TMEM108: variants seen among roughly 807,000 people sequenced by gnomAD.
The protein encoded by TMEM108 is cancer/testis antigen 124.
Under a neutral mutation model 35.1 loss-of-function variants are expected in TMEM108, and 12 were observed. The ratio of observed to expected loss-of-function variants is 0.34; its 90% confidence interval spans 0.22 to 0.55. The LOEUF (loss-of-function observed/expected upper bound fraction) is 0.55, where lower values mean the gene tolerates loss of function less well. Ranked by LOEUF, TMEM108 falls within the 20% of genes least tolerant of loss-of-function variation. The pLI is 0.89. For synonymous variants in TMEM108, 287 were observed against 308.6 expected (o/e 0.93, Z 0.73); for missense variants, 680 against 753.3 (o/e 0.90, Z 1.14).
intron 2 of TMEM108, among the ~76,000 whole-genome samples, chr3:133,180,469 T>C (rs954108840): frequency 2.0e-5 from 3 of 152,166 alleles, no homozygotes; most frequent in East Asian, 1.9e-4. Context: ...TTTTCCTTCA[T>C]ATTTTTGTTT....
intron 3 of TMEM108, among the ~76,000 whole-genome samples, chr3:133,278,829 G>A (rs1171103120): frequency 6.6e-6 from 1 of 152,092 alleles, no homozygotes; most frequent in African/African-American, 2.4e-5. Flanking sequence ...GTTCAGCATT[G>A]ACATCACCAG....
intron 3 of TMEM108, among the ~76,000 whole-genome samples, chr3:133,298,285 A>G (rs904272895): frequency 1.3e-5 from 2 of 152,172 alleles, no homozygotes; most frequent in Admixed American, 6.5e-5. Context: ...ATTTGTTTCA[A>G]TCAGAGGCCC....
chr3:133,310,182 A>G (rs904000837), intron 3 of TMEM108, among the ~76,000 whole-genome samples: 4 of 152,148 alleles, frequency 2.6e-5, no homozygotes, highest in Non-Finnish European at 5.9e-5. Context: ...TATTCTGTTG[A>G]TATGGGGTGG....
intron 3 of TMEM108, among the ~76,000 whole-genome samples, chr3:133,377,913 A>G (rs1309223204): frequency 6.6e-6 from 1 of 152,212 alleles, no homozygotes; most frequent in Non-Finnish European, 1.5e-5. Flanking sequence ...TGCACATGCA[A>G]GGGATGGATC....
At chr3:133,167,861 C>A (rs1945067894) in intron 2 of TMEM108, among the ~76,000 whole-genome samples, 1 of 152,174 alleles carries the variant, frequency 6.6e-6, no homozygotes, top group African/African-American at 2.4e-5. Flanking sequence ...GCGGGCTGGG[C>A]TCCTCAAGTG....
intron 2 of TMEM108, among the ~76,000 whole-genome samples, chr3:133,176,154 G>A (rs1295300240): frequency 6.6e-6 from 1 of 152,196 alleles, no homozygotes; most frequent in Non-Finnish European, 1.5e-5. Context: ...CAATACAGGA[G>A]CACCCAGATT....
intron 3 of TMEM108, among the ~76,000 whole-genome samples, chr3:133,323,915 TAA>T (rs1223751401): frequency 6.6e-6 from 1 of 151,870 alleles, no homozygotes; most frequent in Non-Finnish European, 1.5e-5. Context: ...AACAAAAACA[TAA>T]AGTCAGGAAG....
chr3:133,250,764 A>G (rs924939888), intron 3 of TMEM108, among the ~76,000 whole-genome samples: 3 of 152,204 alleles, frequency 2.0e-5, no homozygotes, highest in Non-Finnish European at 4.4e-5. Flanking sequence ...CTGATATGGA[A>G]ATAATACTGA....
intron 4 of TMEM108, among the ~76,000 whole-genome samples, chr3:133,381,758 T>G (rs1277653061): frequency 6.6e-6 from 1 of 152,210 alleles, no homozygotes; most frequent in Non-Finnish European, 1.5e-5. Context: ...GAAAAAGAGA[T>G]AAAGCTTTCA....
At chr3:133,300,290 G>T (rs1947202281) in intron 3 of TMEM108, among the ~76,000 whole-genome samples, 1 of 152,130 alleles carries the variant, frequency 6.6e-6, no homozygotes, top group South Asian at 2.1e-4. Flanking sequence ...ATACCTGATG[G>T]TGTTGCCTGG....
Position 133,276,530 on chromosome 3 carries a change from T to G in TMEM108, c.40+47179T>G, listed in dbSNP as rs557860389. On this transcript the variant is annotated intron_variant, in intron 3 of 5. Transcript: ENST00000321871. Reference sequence around the variant, plus strand: ...AACAGGTGTTCTTAATTGACTGTCTTAAAGCCCTTAAGAATCTTGTCAGGT... The same window carrying G: ...AACAGGTGTTCTTAATTGACTGTCTGAAAGCCCTTAAGAATCTTGTCAGGT... 1.8e-3 allele frequency among the ~76,000 whole-genome samples: 272 copies of G among 152,330 alleles called. 1 individual carries two copies. The highest frequency in any genetic ancestry group is 5.9e-3 in the African/African-American group (246 of 41,572).
intron 4 of TMEM108, among the ~76,000 whole-genome samples, chr3:133,386,036 G>C (rs1462742610): frequency 6.6e-6 from 1 of 152,224 alleles, no homozygotes; most frequent in African/African-American, 2.4e-5. Flanking sequence ...AGTAGGAAGA[G>C]TCTTAGACTA....
chr3:133,214,378 T>G (rs1003513311), intron 2 of TMEM108, among the ~76,000 whole-genome samples: 4 of 152,204 alleles, frequency 2.6e-5, no homozygotes, highest in African/African-American at 9.6e-5. Flanking sequence ...TAGTCACTTC[T>G]GTCCTCCCCG....
intron 3 of TMEM108, among the ~76,000 whole-genome samples, chr3:133,369,579 C>A (rs2072598093): frequency 1.3e-5 from 2 of 152,198 alleles, no homozygotes; most frequent in Admixed American, 1.3e-4. Flanking sequence ...CTGACCATTT[C>A]ACCTAACTCC....
chr3:133,244,945 C>T (rs1048807986), intron 3 of TMEM108, among the ~76,000 whole-genome samples: 4 of 152,074 alleles, frequency 2.6e-5, no homozygotes, highest in Admixed American at 6.5e-5. Context: ...GGCTAGATGT[C>T]ATGTAATTTT....
intron 3 of TMEM108, among the ~76,000 whole-genome samples, chr3:133,254,070 G>A (rs1342463498): frequency 6.6e-6 from 1 of 152,172 alleles, no homozygotes; most frequent in East Asian, 1.9e-4. Flanking sequence ...AGGCACAGTG[G>A]GTCACACCTG....
At chr3:133,264,456 A>G (rs1174192604) in intron 3 of TMEM108, among the ~76,000 whole-genome samples, 2 of 152,198 alleles carry the variant, frequency 1.3e-5, no homozygotes, top group South Asian at 2.1e-4. Context: ...AGTTTATTCT[A>G]TTAACTTGAA....
intron 4 of TMEM108, chr3:133,388,361 T>G (rs1392450519): frequency 4.1e-6 from 4 of 968,030 alleles, no homozygotes; most frequent in Non-Finnish European, 3.6e-6. Context: ...GGCCAGCACT[T>G]TAGGCCACAG....
rs2071816361 is a variant in TMEM108, at chr3:133,346,325, TG to T, written c.41-33426del. ...GGTATTATCAGTTTTGTTTTGTTTT[TG>T]TTTTTGTTTTTGTTTTGGATTTTAG... On this transcript the variant is annotated intron_variant, in intron 3 of 5. Coordinates refer to ENST00000321871, the MANE Select transcript of TMEM108 (RefSeq NM_023943.4). This position sits in a 1 kb window ranked among gnomAD's most constrained non-coding sequence, Gnocchi z 4.0. Among the ~76,000 whole-genome samples the T allele has an allele frequency of 6.6e-6, 1 of 152,016 alleles. No individual in the cohort carries two copies. Among genetic ancestry groups the T allele is most frequent in the Admixed American group, 6.6e-5 (1 of 15,236 alleles).
Sources: allele counts gnomAD v4.1 joint callset (sites outside exome capture counted in the v4.1 genomes callset), GRCh38; gene constraint gnomAD v4.1.1; non-coding constraint Gnocchi (gnomAD v3.1); transcripts MANE v1.5; gene names NCBI Gene and HGNC (gene_info 2026-07-23, HGNC 2026-07-21).